Variants in CACNA2D1 observed in about 807,000 individuals in gnomAD.
CACNA2D1 encodes the protein voltage-dependent calcium channel subunit alpha-2/delta-1.
CACNA2D1 carries 53 observed loss-of-function variants against 171.5 expected under a neutral mutation model. The observed-to-expected ratio is 0.31, with a 90% CI of 0.25 to 0.39. The LOEUF (loss-of-function observed/expected upper bound fraction) is 0.39, where lower values mean the gene tolerates loss of function less well. CACNA2D1 is among the 10% of genes least tolerant of loss of function. CACNA2D1 has a pLI of 1.00. For missense variants in CACNA2D1, 903 were observed against 1,299.8 expected (o/e 0.69, Z 4.69); for synonymous variants, 442 against 443.1 (o/e 1.00, Z 0.03).
intron 6 of CACNA2D1, among the ~76,000 whole-genome samples, chr7:82,108,691 T>A (rs1447979603): frequency 6.6e-6 from 1 of 152,206 alleles, no homozygotes; most frequent in Non-Finnish European, 1.5e-5. Context: ...TATCAGAAAG[T>A]CAATAGTATA....
At chr7:82,049,968 G>A (rs1349515390) in intron 10 of CACNA2D1, among the ~76,000 whole-genome samples, 1 of 152,158 alleles carries the variant, frequency 6.6e-6, no homozygotes. Context: ...TTTTAGCACT[G>A]GGGGATAGAA....
Position 81,958,396 on chromosome 7 carries a change from G to A in CACNA2D1, c.3159+879C>T, listed in dbSNP as rs10256356. 2.5e-3 allele frequency among the ~76,000 whole-genome samples: 378 copies of A among 152,122 alleles called. 1 individual carries two copies. Among genetic ancestry groups the A allele is most frequent in the African/African-American group, 8.7e-3 (362 of 41,552 alleles). On this transcript the variant is annotated intron_variant, in intron 38 of 38. Transcript: ENST00000356860. ...TTTACAAGTTTGGATATTCATTGGTGTGTGCACACACTGAAGAATCAGAAT... is the reference window on the plus strand; with the variant it reads ...TTTACAAGTTTGGATATTCATTGGTATGTGCACACACTGAAGAATCAGAAT...
At chr7:82,341,736 C>T (rs1467293104) in intron 2 of CACNA2D1, among the ~76,000 whole-genome samples, 1 of 152,088 alleles carries the variant, frequency 6.6e-6, no homozygotes, top group Non-Finnish European at 1.5e-5. Flanking sequence ...AGATGCATGA[C>T]ACTGTATTAA....
At chr7:82,233,083 T>G (rs1803149645) in intron 3 of CACNA2D1, among the ~76,000 whole-genome samples, 1 of 152,032 alleles carries the variant, frequency 6.6e-6, no homozygotes, top group Non-Finnish European at 1.5e-5. Context: ...AACTGATTAT[T>G]TGGGAGATAC....
At chr7:82,163,541 C>T (rs58951466) in intron 4 of CACNA2D1, among the ~76,000 whole-genome samples, 42,710 of 151,804 alleles carry the variant, frequency 0.28, 6,065 homozygotes, top group Middle Eastern at 0.35. Context: ...AAGAAAGGCA[C>T]TTCTGCCTTT....
At chr7:81,981,277 A>T (rs544911672) in intron 24 of CACNA2D1, among the ~76,000 whole-genome samples, 1 of 152,286 alleles carries the variant, frequency 6.6e-6, no homozygotes, top group African/African-American at 2.4e-5. Context: ...GTGAATATGC[A>T]GCCAGAGAGG....
chr7:82,095,058 C>T (rs1811693308), intron 6 of CACNA2D1, among the ~76,000 whole-genome samples: 1 of 152,146 alleles, frequency 6.6e-6, no homozygotes, highest in African/African-American at 2.4e-5. Flanking sequence ...GGTGTCCTCT[C>T]CTACTGCTCT....
chr7:82,234,206 A>C (rs879922333), intron 3 of CACNA2D1, among the ~76,000 whole-genome samples: 17 of 152,128 alleles, frequency 1.1e-4, no homozygotes, highest in Non-Finnish European at 1.8e-4. Context: ...AAAATGAATT[A>C]TGTGTGGAAC....
intron 3 of CACNA2D1, among the ~76,000 whole-genome samples, chr7:82,311,304 T>C (rs1315547091): frequency 6.6e-6 from 1 of 151,968 alleles, no homozygotes; most frequent in Non-Finnish European, 1.5e-5. Flanking sequence ...TAAATACACA[T>C]TTCTGACAAC....
At chr7:82,429,241 C>A (rs1369980036) in intron 1 of CACNA2D1, among the ~76,000 whole-genome samples, 1 of 152,074 alleles carries the variant, frequency 6.6e-6, no homozygotes, top group Admixed American at 6.5e-5. Context: ...ATAACTTTCA[C>A]TTGATATAAA....
intron 16 of CACNA2D1, 98 bp from the exon 17 acceptor site, chr7:82,005,937 T>G: frequency 1.3e-6 from 1 of 779,570 alleles, no homozygotes; most frequent in Non-Finnish European, 2.3e-6. Flanking sequence ...TATGGTTATA[T>G]TCCACATTAG....
intron 10 of CACNA2D1, among the ~76,000 whole-genome samples, chr7:82,043,288 G>A (rs1293241767): frequency 6.6e-6 from 1 of 152,136 alleles, no homozygotes; most frequent in Non-Finnish European, 1.5e-5. Flanking sequence ...AAGATATACA[G>A]AACATCTAAC....
At chr7:82,291,546 G>T (rs149907348) in intron 3 of CACNA2D1, among the ~76,000 whole-genome samples, 2,880 of 123,990 alleles carry the variant, frequency 0.023, 94 homozygotes, top group East Asian at 0.1. Context: ...GTGATATATA[G>T]ATATATATAA....
intron 18 of CACNA2D1, among the ~76,000 whole-genome samples, chr7:81,997,892 T>C (rs1798207820): frequency 6.6e-6 from 1 of 151,982 alleles, no homozygotes; most frequent in Non-Finnish European, 1.5e-5. Flanking sequence ...TTAGCTATTA[T>C]AATTAAAGTC....
At chr7:82,322,311 T>C (rs1816076003) in intron 3 of CACNA2D1, among the ~76,000 whole-genome samples, 1 of 151,656 alleles carries the variant, frequency 6.6e-6, no homozygotes. Flanking sequence ...ATTCCCAAAT[T>C]CCATCAAGAT....
At chr7:82,258,317 A>C (rs926022115) in intron 3 of CACNA2D1, among the ~76,000 whole-genome samples, 1 of 152,140 alleles carries the variant, frequency 6.6e-6, no homozygotes, top group Non-Finnish European at 1.5e-5. Flanking sequence ...GCAAAAAAAA[A>C]AAAAAGAGCT....
intron 3 of CACNA2D1, among the ~76,000 whole-genome samples, chr7:82,278,472 C>T (rs1252234191): frequency 6.8e-6 from 1 of 148,078 alleles, no homozygotes; most frequent in African/African-American, 2.5e-5. Flanking sequence ...GCAGGAGAAT[C>T]GCTTGAGCCC....
At chr7:82,285,210 C>A (rs1414030493) in intron 3 of CACNA2D1, among the ~76,000 whole-genome samples, 2 of 152,094 alleles carry the variant, frequency 1.3e-5, no homozygotes, top group Non-Finnish European at 2.9e-5. Flanking sequence ...TTCCAGATGG[C>A]TTCATGCTGT....
At chr7:82,233,489 G>A (rs1803190008) in intron 3 of CACNA2D1, among the ~76,000 whole-genome samples, 1 of 151,914 alleles carries the variant, frequency 6.6e-6, no homozygotes, top group Non-Finnish European at 1.5e-5. Context: ...GCAAAGCTCT[G>A]ATAAATTCTG....
Sources: allele counts gnomAD v4.1 joint callset (sites outside exome capture counted in the v4.1 genomes callset), GRCh38; gene constraint gnomAD v4.1.1; transcripts MANE v1.5; gene names NCBI Gene and HGNC (gene_info 2026-07-23, HGNC 2026-07-21).